Variants in NOTCH3 observed in about 807,000 individuals in gnomAD.
NOTCH3 encodes notch receptor 3, also known as neurogenic locus notch homolog protein 3.
Under a neutral mutation model 213.3 loss-of-function variants are expected in NOTCH3, and 86 were observed. That is an observed-to-expected ratio of 0.40 (90% CI 0.34 to 0.48). NOTCH3 has a LOEUF of 0.48. Ranked by LOEUF, NOTCH3 falls within the 20% of genes least tolerant of loss-of-function variation. The pLI is 0.57. For missense variants in NOTCH3, 2,783 were observed against 3,272.6 expected (o/e 0.85, Z 3.65); for synonymous variants, 1,354 against 1,355.9 (o/e 1.00, Z 0.03).
intron 25 of NOTCH3, among the ~76,000 whole-genome samples, chr19:15,171,573 G>A (rs955677059): frequency 6.6e-6 from 1 of 152,086 alleles, no homozygotes; most frequent in African/African-American, 2.4e-5. Context: ...ATGTTGCCCA[G>A]GCTAGTCTTG....
intron 31 of NOTCH3, among the ~76,000 whole-genome samples, chr19:15,162,771 GTT>G (rs370610446): frequency 0.83 from 119,214 of 144,330 alleles, 48,163 homozygotes; most frequent in Non-Finnish European, 0.89. Context: ...GTGTGTGTGT[GTT>G]TGTGTGTGTG....
chr19:15,168,016 C>A (rs1237712552), intron 28 of NOTCH3, among the ~76,000 whole-genome samples: 1 of 151,936 alleles, frequency 6.6e-6, no homozygotes, highest in Non-Finnish European at 1.5e-5. Flanking sequence ...TACCTCACTG[C>A]AGCCTCAACT....
At chr19:15,174,749 T>G (rs891117058) in intron 24 of NOTCH3, among the ~76,000 whole-genome samples, 1 of 151,986 alleles carries the variant, frequency 6.6e-6, no homozygotes, top group Admixed American at 6.6e-5. Flanking sequence ...AATTTTTGTA[T>G]TTTTAGCAGA....
intron 16 of NOTCH3, 128 bp downstream of exon 16, chr19:15,184,167 C>T: frequency 1.0e-6 from 1 of 965,692 alleles, no homozygotes; most frequent in Admixed American, 2.1e-5. Context: ...CCTCAGTTTC[C>T]ATATAAATAA....
intron 25 of NOTCH3, among the ~76,000 whole-genome samples, chr19:15,173,038 TCCCC>T (rs372637084): frequency 9.3e-3 from 26 of 2,788 alleles, no homozygotes; most frequent in African/African-American, 0.041. Context: ...CCCCTCCCCC[TCCCC>T]CTCCCTCCTC....
intron 1 of NOTCH3, among the ~76,000 whole-genome samples, chr19:15,197,882 T>C (rs752681201): frequency 6.6e-6 from 1 of 152,088 alleles, no homozygotes; most frequent in Non-Finnish European, 1.5e-5. Context: ...AGAGCTAAGA[T>C]GTGCAGAATG....
chr19:15,192,040 G>C lies in NOTCH3; in HGVS notation c.599C>G (p.Pro200Arg). 6.2e-7 allele frequency: 1 copy of C among 1,613,114 alleles called. No individual in the cohort carries two copies. Among genetic ancestry groups the C allele is most frequent in the Non-Finnish European group, 8.5e-7 (1 of 1,179,958 alleles). Residue 200 changes from proline (P) to arginine (R), a missense_variant, in exon 4 of 33, where the codon CCC (proline) becomes CGC (arginine). Coordinates refer to ENST00000263388, the MANE Select transcript of NOTCH3 (RefSeq NM_000435.3). ...GTTACGGCATGGTGAGGGTGCACAGGGCACCGCGGGGTTCTCACATAGTGG... is the reference window on the plus strand; with the variant it reads ...GTTACGGCATGGTGAGGGTGCACAGCGCACCGCGGGGTTCTCACATAGTGG... ...TGPLCENPAV[P>R]CAPSPCRNGG...
chr19:15,190,646 C>G (rs2046919880), intron 6 of NOTCH3, among the ~76,000 whole-genome samples: 1 of 152,222 alleles, frequency 6.6e-6, no homozygotes, highest in Non-Finnish European at 1.5e-5. Flanking sequence ...AACGCAGTGG[C>G]TCAGTCTCAG....
intron 32 of NOTCH3, among the ~76,000 whole-genome samples, chr19:15,162,180 C>T (rs1329307758): frequency 1.3e-5 from 2 of 152,024 alleles, no homozygotes; most frequent in Admixed American, 1.3e-4. Context: ...CAGGGTTTTA[C>T]TACGTTGGCC....
chr19:15,172,941 G>T (rs1212936528), intron 25 of NOTCH3, among the ~76,000 whole-genome samples: 1 of 149,154 alleles, frequency 6.7e-6, no homozygotes, highest in African/African-American at 2.5e-5. Context: ...ACAGGCGTGA[G>T]CCACCGAGCC....
chr19:15,165,372 C>T lies in NOTCH3; in HGVS notation c.5811G>A (p.Glu1937=), dbSNP rs1384373292. ...TTGATTCCTCTGCCAACCTACCAAGCTCATCCACAGCATTGACATCAGCAT... is the reference window on the plus strand; with the variant it reads ...TTGATTCCTCTGCCAACCTACCAAGTTCATCCACAGCATTGACATCAGCAT... The part of the protein sequence containing the change: ...ASHADVNAVD[E]LGKSALHWAA... Residue 1937 remains glutamate (E), a synonymous_variant, in exon 31 of 33, where the codon GAG becomes GAA. Transcript: ENST00000263388. This position sits in a 1 kb window ranked among gnomAD's most constrained non-coding sequence, Gnocchi z 4.7. 1.9e-6 allele frequency: 3 copies of T among 1,605,724 alleles called. No homozygotes were observed. The Admixed American group carries it at 5.0e-5, about 27-fold the overall frequency.
rs1322034724 is a variant in NOTCH3, at chr19:15,192,309, C to T, written c.341-11G>A. 6.2e-7 allele frequency: 1 copy of T among 1,609,830 alleles called. No homozygotes were observed. Among genetic ancestry groups the T allele is most frequent in the Non-Finnish European group, 8.5e-7 (1 of 1,178,742 alleles). On this transcript the variant is annotated splice_polypyrimidine_tract_variant and intron_variant, in intron 3 of 32. Coordinates refer to ENST00000263388, the MANE Select transcript of NOTCH3 (RefSeq NM_000435.3). Reference sequence around the variant, plus strand: ...GGGAGCAGTCAGGGCCTGGAGGGACCAGGACAGGGTGAGTTTAGGACTGAC... The same window carrying T: ...GGGAGCAGTCAGGGCCTGGAGGGACTAGGACAGGGTGAGTTTAGGACTGAC...
At chr19:15,168,911 T>C (rs2046707094) in intron 28 of NOTCH3, among the ~76,000 whole-genome samples, 1 of 152,180 alleles carries the variant, frequency 6.6e-6, no homozygotes, top group Middle Eastern at 3.4e-3. Flanking sequence ...GTGCCTGCAT[T>C]TGAAGATAGG....
rs1010021452 is a variant in NOTCH3, at chr19:15,160,291, T to C, written c.*371A>G. The C allele has an allele frequency of 1.2e-5, 3 of 247,588 alleles. No individual in the cohort carries two copies. Among genetic ancestry groups the C allele is most frequent in the African/African-American group, 6.6e-5 (3 of 45,466 alleles). The allele number at this position is 247,588 out of a possible 1,614,324, so 15.3% of individuals were successfully genotyped here. The stretch of plus-strand genomic sequence containing the variant: ...TAATAAGTTTGTTTAAATGAATTTG[T>C]TTCTATACAAAATGTAAAAAAAAAA... On this transcript the variant is annotated 3_prime_UTR_variant, in exon 33 of 33. Transcript: ENST00000263388.
At position 15,184,418 on chromosome 19, in the gene NOTCH3, C is replaced by T. The variant is rs1393666105; in HGVS notation, c.2443G>A (p.Ala815Thr). ...PRCQQDVDEC[A>T]GPAPCGPHGI... is the part of the protein sequence containing the mutation. ...TGAGGGCCACAGGGTGCGGGGCCAG[C>T]ACACTCGTCCACATCCTGCTGGCAT... Residue 815 changes from alanine (A) to threonine (T), a missense_variant, in exon 16 of 33, where the codon GCT (alanine) becomes ACT (threonine). Around this residue, in one of 6 missense-constraint regions of NOTCH3, gnomAD observed 861 missense variants for 909.1 expected, o/e 0.95. Transcript: ENST00000263388. 3.1e-6 allele frequency: 5 copies of T among 1,613,724 alleles called. No homozygotes were observed. In the East Asian group the frequency reaches 1.1e-4, roughly 36 times the overall value.
chr19:15,197,922 T>C (rs2046982971), intron 1 of NOTCH3, among the ~76,000 whole-genome samples: 1 of 152,060 alleles, frequency 6.6e-6, no homozygotes, highest in African/African-American at 2.4e-5. Context: ...GTAAGGGTGC[T>C]GAGTGTTACA....
Position 15,187,179 on chromosome 19 carries a change from T to G in NOTCH3, c.1766A>C (p.Gln589Pro), listed in dbSNP as rs2046889168. 16 of 1,614,062 alleles carry G rather than the reference T, an allele frequency of 9.9e-6. No individual in the cohort carries two copies. Among genetic ancestry groups the G allele is most frequent in the Non-Finnish European group, 1.4e-5 (16 of 1,180,006 alleles). The change falls in exon 11 of 33, where the codon CAG (glutamine) becomes CCG (proline). Residue 589 changes from glutamine (Q) to proline (P), a missense_variant. Gln to Pro is a moderately conservative substitution (Grantham distance 76). Transcript: ENST00000263388. Reference protein sequence around the residue: ...CESQVDECRSQPCRHGGKCLD... With the variant: ...CESQVDECRSPPCRHGGKCLD... ...GCATTTGCCGCCATGGCGGCAGGGC[T>G]GGCTGCGGCATTCGTCCACCTGGCT...
In NOTCH3 at chr19:15,186,200, G is replaced by A. The variant is rs1314440482; in HGVS notation, c.1952-521C>T. On this transcript the variant is annotated intron_variant, in intron 12 of 32. Coordinates refer to ENST00000263388, the MANE Select transcript of NOTCH3 (RefSeq NM_000435.3). Reference sequence around the variant, plus strand: ...GCTAGTCTCGAACTCCTGGGCTCAAGTGATCCTCATGTCTCAGCCTCCCAA... The same window carrying A: ...GCTAGTCTCGAACTCCTGGGCTCAAATGATCCTCATGTCTCAGCCTCCCAA... Among the ~76,000 whole-genome samples, 5 of 152,174 alleles carry A rather than the reference G, an allele frequency of 3.3e-5. No individual in the cohort carries two copies. In the East Asian group the frequency reaches 9.6e-4, roughly 29 times the overall value.
intron 6 of NOTCH3, among the ~76,000 whole-genome samples, chr19:15,189,815 G>A (rs936892770): frequency 1.3e-5 from 2 of 150,808 alleles, no homozygotes; most frequent in Non-Finnish European, 3.0e-5. Flanking sequence ...CACCGCGCCC[G>A]GCCTGTTGTT....
Sources: gnomAD v4.1 joint callset for allele counts (sites outside exome capture counted in the v4.1 genomes callset) on GRCh38, gnomAD v4.1.1 for gene constraint, gnomAD v4.1.1 regional missense constraint, Gnocchi (gnomAD v3.1) non-coding constraint, MANE v1.5 for transcripts, NCBI Gene and HGNC (gene_info 2026-07-23, HGNC 2026-07-21) for gene names.